Variants in BBS9 observed in about 807,000 individuals in gnomAD.
BBS9 encodes the protein Bardet-Biedl syndrome 9, also known as protein PTHB1.
A neutral mutation model predicts 117.7 loss-of-function variants in BBS9; 89 were observed. The observed-to-expected ratio is 0.76, with a 90% confidence interval of 0.64 to 0.90. The LOEUF (loss-of-function observed/expected upper bound fraction) is 0.90. Among genes scored for constraint, BBS9 ranks in the 40% least tolerant of loss-of-function variants. The pLI, the probability that BBS9 is intolerant of heterozygous loss-of-function variation, is 0.00. For missense variants in BBS9, 982 were observed against 1,042.2 expected, an observed-to-expected ratio of 0.94 and a Z score of 0.80; for synonymous variants, 379 against 370.9, an observed-to-expected ratio of 1.02 and a Z score of -0.25.
At chr7:33,230,443 G>C (rs997987594) in intron 5 of BBS9, among the ~76,000 whole-genome samples, 1 of 152,130 alleles carries the variant, frequency 6.6e-6, no homozygotes, top group Non-Finnish European at 1.5e-5. Context: ...AATAACTTTA[G>C]AGGTATAAGT....
chr7:33,526,453 T>C (rs1329493404), intron 20 of BBS9, among the ~76,000 whole-genome samples: 1 of 151,984 alleles, frequency 6.6e-6, no homozygotes, highest in Admixed American at 6.6e-5. Context: ...CATTTCTTTT[T>C]ATTCTTTTTT....
chr7:33,327,915 A>G (rs951219562), intron 9 of BBS9, among the ~76,000 whole-genome samples: 1 of 152,214 alleles, frequency 6.6e-6, no homozygotes, highest in Non-Finnish European at 1.5e-5. Context: ...AATAGCAGAA[A>G]TATGAAAGAT....
intron 7 of BBS9, among the ~76,000 whole-genome samples, chr7:33,266,835 C>T (rs142620069): frequency 0.14 from 21,852 of 151,970 alleles, 1,843 homozygotes; most frequent in Non-Finnish European, 0.18. Context: ...CTCCGCCTCC[C>T]GGGTTCAAGT....
At chr7:33,410,145 A>T (rs1830849445) in intron 19 of BBS9, among the ~76,000 whole-genome samples, 1 of 152,196 alleles carries the variant, frequency 6.6e-6, no homozygotes, top group African/African-American at 2.4e-5. Flanking sequence ...CAGTAACATA[A>T]TTGAAATAAT....
rs142168551 is a variant in BBS9 at position 33,178,910 on chromosome 7, A to G, written c.442+1319A>G. The stretch of plus-strand genomic sequence containing the variant: ...TTGCATAACTGAAGTGATGTGAAAC[A>G]AAACACTTGGTTAGGTTGGAGGACT... On this transcript the variant is annotated intron_variant, in intron 5 of 22. Transcript: ENST00000242067. Among the ~76,000 whole-genome samples, 126 of 152,336 alleles carry G rather than the reference A, an allele frequency of 8.3e-4. 1 individual carries two copies. Among genetic ancestry groups the G allele is most frequent in the Admixed American group, 7.6e-3 (116 of 15,300 alleles).
chr7:33,488,682 TC>T (rs1843444745), intron 19 of BBS9, among the ~76,000 whole-genome samples: 1 of 152,186 alleles, frequency 6.6e-6, no homozygotes, highest in African/African-American at 2.4e-5. Flanking sequence ...AAGAACATTG[TC>T]CTTGTTCTCA....
At chr7:33,562,043 C>T (rs1217823617) in intron 21 of BBS9, among the ~76,000 whole-genome samples, 1 of 152,164 alleles carries the variant, frequency 6.6e-6, no homozygotes, top group Non-Finnish European at 1.5e-5. Context: ...AATAGAGTTG[C>T]CATTGAAATT....
At chr7:33,395,791 G>C (rs1827857800) in intron 19 of BBS9, among the ~76,000 whole-genome samples, 1 of 152,030 alleles carries the variant, frequency 6.6e-6, no homozygotes, top group South Asian at 2.1e-4. Context: ...TTGGTCCATG[G>C]GTTTTTAAAT....
At chr7:33,439,533 C>CT (rs11384028) in intron 19 of BBS9, among the ~76,000 whole-genome samples, 93,945 of 131,128 alleles carry the variant, frequency 0.72, 34,152 homozygotes, top group East Asian at 0.84. Context: ...TTTTTATCAC[C>CT]TTTTTTTTTT....
rs1819908730 is a variant in BBS9 at position 33,357,869 on chromosome 7, A to G, written c.1567A>G (p.Ile523Val). 6.2e-7 allele frequency: 1 copy of G among 1,612,068 alleles called. No homozygotes were observed. The highest frequency in any genetic ancestry group is 1.1e-5 in the South Asian group (1 of 91,030). Residue 523 changes from isoleucine (I) to valine (V), a missense_variant, in exon 16 of 23, where the codon ATC becomes GTC. Transcript: ENST00000242067. The part of the protein sequence containing the change: ...DRNPDGIPRV[I>V]QCKFRLPLKL... ...TTTTATTTTAGGCATTCCGCGAGTT[A>G]TCCAATGTAAATTTAGACTTCCCCT...
At chr7:33,329,512 G>A (rs1417136867) in intron 9 of BBS9, among the ~76,000 whole-genome samples, 1 of 151,972 alleles carries the variant, frequency 6.6e-6, no homozygotes, top group Admixed American at 6.6e-5. Flanking sequence ...TCTGATAACA[G>A]ATATTTGATA....
At chr7:33,196,409 G>C (rs768870359) in intron 5 of BBS9, among the ~76,000 whole-genome samples, 30 of 152,162 alleles carry the variant, frequency 2.0e-4, no homozygotes, top group Non-Finnish European at 2.9e-4. Context: ...TTGCCATCCA[G>C]AGAGTGAACT....
At chr7:33,238,719 A>AT (rs1179194390) in intron 5 of BBS9, among the ~76,000 whole-genome samples, 1 of 151,898 alleles carries the variant, frequency 6.6e-6, no homozygotes, top group Admixed American at 6.6e-5. Flanking sequence ...GTATTTTAGG[A>AT]TTTTTTTTAG....
intron 7 of BBS9, 119 bp downstream of exon 7, chr7:33,264,493 A>G: frequency 1.6e-6 from 1 of 616,354 alleles, no homozygotes; most frequent in East Asian, 3.2e-5. Context: ...TCTCTTTCCT[A>G]TATTATGGTT....
chr7:33,394,898 C>A (rs1827682297), intron 19 of BBS9, among the ~76,000 whole-genome samples: 1 of 152,076 alleles, frequency 6.6e-6, no homozygotes, highest in Non-Finnish European at 1.5e-5. Flanking sequence ...AGAGGAAGAA[C>A]CTGAGACTCT....
rs370683279 is a variant in BBS9 at position 33,442,084 on chromosome 7, G to T, written c.2115+53940G>T. The stretch of plus-strand genomic sequence containing the variant: ...TTTTTGTATTTTTAGTAGAGACAGG[G>T]TTTCACCATGTTGGGCAGGCTGGTC... On this transcript the variant is annotated intron_variant, in intron 19 of 22. Transcript: ENST00000242067. 9.9e-5 allele frequency among the ~76,000 whole-genome samples: 15 copies of T among 152,146 alleles called. No homozygotes were observed. The East Asian group carries it at 2.7e-3, about 27-fold the overall frequency.
chr7:33,259,575 A>G (rs563532434), intron 6 of BBS9, among the ~76,000 whole-genome samples: 4 of 151,518 alleles, frequency 2.6e-5, no homozygotes, highest in Admixed American at 6.6e-5. Context: ...GGGTCTCACT[A>G]TGTTGCCCAG....
intron 21 of BBS9, among the ~76,000 whole-genome samples, chr7:33,576,318 A>G (rs1167343567): frequency 6.6e-6 from 1 of 152,196 alleles, no homozygotes; most frequent in Non-Finnish European, 1.5e-5. Flanking sequence ...TGCTATAAAG[A>G]GAATAAAATA....
chr7:33,448,338 C>T (rs572645117), intron 19 of BBS9, among the ~76,000 whole-genome samples: 92 of 152,220 alleles, frequency 6.0e-4, no homozygotes, highest in African/African-American at 2.1e-3. Flanking sequence ...CGTGTCTTTT[C>T]CTGTCTGTGA....
Sources: allele counts gnomAD v4.1 joint callset (sites outside exome capture counted in the v4.1 genomes callset), GRCh38; gene constraint gnomAD v4.1.1; transcripts MANE v1.5; gene names NCBI Gene and HGNC (gene_info 2026-07-23, HGNC 2026-07-21).